CPEB3: variants seen among roughly 807,000 people sequenced by gnomAD.
The protein encoded by CPEB3 is cytoplasmic polyadenylation element binding protein 3, also known as cytoplasmic polyadenylation element-binding protein 3.
Under a neutral mutation model 67.2 loss-of-function variants are expected in CPEB3, and 20 were observed. That is an observed-to-expected ratio of 0.30 (90% CI 0.21 to 0.43). The LOEUF (loss-of-function observed/expected upper bound fraction) is 0.43, where lower values mean the gene tolerates loss of function less well. Among genes scored for constraint, CPEB3 ranks in the 20% least tolerant of loss-of-function variants. The pLI is 1.00. For missense variants in CPEB3, 746 were observed against 968.6 expected (o/e 0.77, Z 3.05); for synonymous variants, 376 against 393.1 (o/e 0.96, Z 0.51).
intron 1 of CPEB3, among the ~76,000 whole-genome samples, chr10:92,265,588 C>A (rs1853016290): frequency 6.6e-6 from 1 of 151,910 alleles, no homozygotes. Context: ...GAAACCCCAT[C>A]TACTAAAAAT....
At chr10:92,171,884 G>A (rs1848018421) in intron 4 of CPEB3, among the ~76,000 whole-genome samples, 1 of 152,210 alleles carries the variant, frequency 6.6e-6, no homozygotes, top group Non-Finnish European at 1.5e-5. Flanking sequence ...CAAAGTGCTG[G>A]GAAGTACAGG....
intron 2 of CPEB3, chr10:92,204,194 C>T (rs539917754): frequency 6.6e-6 from 1 of 152,262 alleles, no homozygotes; most frequent in East Asian, 1.9e-4. Context: ...ATTTCAATTG[C>T]TGTTTGACTT....
intron 6 of CPEB3, among the ~76,000 whole-genome samples, chr10:92,141,518 T>C (rs1846420688): frequency 6.6e-6 from 1 of 151,814 alleles, no homozygotes; most frequent in African/African-American, 2.4e-5. Context: ...CATTAGGAGA[T>C]ATACCTATTG....
intron 9 of CPEB3, among the ~76,000 whole-genome samples, chr10:92,060,612 C>A (rs1372206547): frequency 6.6e-6 from 1 of 152,066 alleles, no homozygotes; most frequent in African/African-American, 2.4e-5. Context: ...GCAAACTACC[C>A]ATCTGACAAG....
At chr10:92,102,765 C>T (rs1844252270) in intron 7 of CPEB3, among the ~76,000 whole-genome samples, 1 of 152,178 alleles carries the variant, frequency 6.6e-6, no homozygotes, top group Non-Finnish European at 1.5e-5. Context: ...TTTCTGACTG[C>T]CTCAGAAACA....
chr10:92,219,415 T>C (rs1236187243), intron 2 of CPEB3, among the ~76,000 whole-genome samples: 1 of 152,210 alleles, frequency 6.6e-6, no homozygotes, highest in Admixed American at 6.5e-5. Flanking sequence ...TAACAGAATA[T>C]GTCACCTCAA....
intron 7 of CPEB3, among the ~76,000 whole-genome samples, chr10:92,096,253 C>T (rs1843873087): frequency 6.6e-6 from 1 of 152,066 alleles, no homozygotes; most frequent in African/African-American, 2.4e-5. Context: ...ATTTATATAG[C>T]ATTTACATTG....
intron 6 of CPEB3, chr10:92,137,429 AG>A: frequency 8.5e-7 from 1 of 1,173,240 alleles, no homozygotes; most frequent in East Asian, 2.5e-5. Flanking sequence ...CATGGATTCA[AG>A]GACTCAATCT....
chr10:92,123,089 G>A (rs942642088), intron 6 of CPEB3, among the ~76,000 whole-genome samples: 9 of 152,166 alleles, frequency 5.9e-5, no homozygotes, highest in African/African-American at 1.7e-4. Context: ...AAAACAAGCC[G>A]GCAGCGTAGA....
At chr10:92,084,011 G>A (rs1843266740) in intron 8 of CPEB3, among the ~76,000 whole-genome samples, 2 of 151,934 alleles carry the variant, frequency 1.3e-5, no homozygotes, top group Admixed American at 6.6e-5. Context: ...GTGAAACCCC[G>A]TCTCTACTAA....
intron 9 of CPEB3, among the ~76,000 whole-genome samples, chr10:92,061,013 G>A (rs1842322414): frequency 6.6e-6 from 1 of 152,288 alleles, no homozygotes; most frequent in South Asian, 2.1e-4. Context: ...CCACTGCTGG[G>A]TATATACCCA....
At position 92,081,480 on chromosome 10, in the gene CPEB3, T is replaced by C. The variant is rs1238881332; in HGVS notation, c.1709A>G (p.Asp570Gly). The C allele has an allele frequency of 6.2e-7, 1 of 1,613,516 alleles. No homozygotes were observed. Residue 570 changes from aspartate (D) to glycine (G), a missense_variant, in exon 9 of 10, where the codon GAC becomes GGC. By Grantham distance (94) the Asp-to-Gly change is moderately conservative. Transcript: ENST00000265997. ...LRAVELAMIM[D>G]RLYGGVCYAG... Reference sequence around the variant, plus strand: ...ATAGCAGACACCACCGTACAAACGGTCCATGATCATTGCCAGTTCAACTGC... The same window carrying C: ...ATAGCAGACACCACCGTACAAACGGCCCATGATCATTGCCAGTTCAACTGC...
At chr10:92,195,462 G>A (rs1433479404) in intron 2 of CPEB3, among the ~76,000 whole-genome samples, 2 of 152,270 alleles carry the variant, frequency 1.3e-5, no homozygotes, top group African/African-American at 4.8e-5. Flanking sequence ...AGAAATGCAG[G>A]CTTATCTGTA....
intron 1 of CPEB3, among the ~76,000 whole-genome samples, chr10:92,250,342 C>G (rs1467265457): frequency 1.3e-5 from 2 of 151,984 alleles, no homozygotes; most frequent in Non-Finnish European, 2.9e-5. Context: ...CACCCTCAGC[C>G]TCCCAAAGTG....
At chr10:92,108,844 T>C (rs1320246756) in intron 7 of CPEB3, among the ~76,000 whole-genome samples, 6 of 152,296 alleles carry the variant, frequency 3.9e-5, no homozygotes, top group African/African-American at 1.4e-4. Context: ...TACATGTGTT[T>C]CTACTGAAAA....
At chr10:92,054,751 A>G (rs1261053340) in intron 9 of CPEB3, among the ~76,000 whole-genome samples, 1 of 152,142 alleles carries the variant, frequency 6.6e-6, no homozygotes, top group African/African-American at 2.4e-5. Context: ...CTGCTACAAC[A>G]TTTTTGAAAA....
intron 4 of CPEB3, among the ~76,000 whole-genome samples, chr10:92,169,006 G>C (rs1847881850): frequency 6.7e-6 from 1 of 149,206 alleles, no homozygotes; most frequent in African/African-American, 2.5e-5. Flanking sequence ...ATATTGGTCA[G>C]GCTGGTCTCA....
rs944424094 is a variant in CPEB3 at position 92,195,044 on chromosome 10, AAAACACAC to A, written c.1006-2416_1006-2409del. Among the ~76,000 whole-genome samples the A allele has an allele frequency of 9.4e-5, 7 of 74,662 alleles. No homozygotes were observed. In the East Asian group the frequency reaches 1.6e-3, roughly 17 times the overall value. 49.0% of individuals were successfully genotyped at this position (74,662 alleles called of 152,430 possible). A position where few individuals can be genotyped will look rare whatever the true frequency, so the allele number is the denominator to read the frequency against. On this transcript the variant is annotated intron_variant, in intron 2 of 9. Coordinates refer to ENST00000265997, the MANE Select transcript of CPEB3 (RefSeq NM_014912.5). ...GGGCGACAGAGCGAGACTGTCTCAA[AAAACACAC>A]ACACACACACACACACACACACACA...
intron 1 of CPEB3, among the ~76,000 whole-genome samples, chr10:92,260,388 T>C (rs1207849278): frequency 6.6e-6 from 1 of 151,696 alleles, no homozygotes; most frequent in East Asian, 2.0e-4. Context: ...CCATCTCTAC[T>C]AAAAATACAA....
Sources: gnomAD v4.1 joint callset for allele counts (sites outside exome capture counted in the v4.1 genomes callset) on GRCh38, gnomAD v4.1.1 for gene constraint, MANE v1.5 for transcripts, NCBI Gene and HGNC (gene_info 2026-07-23, HGNC 2026-07-21) for gene names.